NBEA: variants seen among roughly 807,000 people sequenced by gnomAD.
NBEA encodes the protein lysosomal-trafficking regulator 2.
A neutral mutation model predicts 343.4 loss-of-function variants in NBEA; 44 were observed. The ratio of observed to expected loss-of-function variants is 0.13; its 90% confidence interval spans 0.10 to 0.16. The LOEUF (loss-of-function observed/expected upper bound fraction) is 0.16. NBEA is among the 10% of genes least tolerant of loss of function. The probability of loss-of-function intolerance (pLI) is 1.00; values close to 1 mark genes in which losing one functional copy is unlikely to be tolerated. For missense variants in NBEA, 2,555 were observed against 3,631.3 expected (o/e 0.70, Z 7.62); for synonymous variants, 1,175 against 1,238.7 (o/e 0.95, Z 1.08).
chr13:35,640,594 T>G (rs1443878223), intron 49 of NBEA, among the ~76,000 whole-genome samples: 1 of 152,248 alleles, frequency 6.6e-6, no homozygotes, highest in African/African-American at 2.4e-5. Context: ...ATTTCGTAAC[T>G]TAGTAGGTGG....
intron 1 of NBEA, among the ~76,000 whole-genome samples, chr13:34,949,336 C>T (rs191365047): frequency 2.6e-4 from 39 of 152,226 alleles, no homozygotes; most frequent in African/African-American, 7.0e-4. Flanking sequence ...GTTTTGGTTG[C>T]GAATTCAACT....
At chr13:34,994,960 A>G (rs1467970523) in intron 1 of NBEA, among the ~76,000 whole-genome samples, 3 of 152,178 alleles carry the variant, frequency 2.0e-5, no homozygotes, top group African/African-American at 7.2e-5. Flanking sequence ...ATTGAAACAC[A>G]AGGTCAGTCA....
chr13:35,449,120 A>C (rs2046179403), intron 39 of NBEA, among the ~76,000 whole-genome samples: 1 of 152,254 alleles, frequency 6.6e-6, no homozygotes, highest in African/African-American at 2.4e-5. Context: ...GTGAAAACAC[A>C]GAACTGGTAA....
intron 17 of NBEA, among the ~76,000 whole-genome samples, chr13:35,128,420 C>A (rs1386237436): frequency 6.6e-6 from 1 of 152,042 alleles, no homozygotes; most frequent in Non-Finnish European, 1.5e-5. Flanking sequence ...TCAGAACGAA[C>A]TTTAATTCAC....
At position 34,942,920 on chromosome 13, in the gene NBEA, G is replaced by T; in HGVS notation, c.100G>T (p.Gly34Cys). Residue 34 changes from glycine (G) to cysteine (C), a missense_variant, in exon 1 of 59, where the codon GGT becomes TGT. Around this residue, in one of 21 missense-constraint regions of NBEA, gnomAD observed 122 missense variants for 91.0 expected, o/e 1.34. Coordinates refer to ENST00000379939, the MANE Select transcript of NBEA (RefSeq NM_001385012.1). ...AAGGGGGGSG[G>C]GGTGGSGMGE... ...TGGCGGAGGCGGCGGGGGCAGCGGT[G>T]GTGGCGGCACCGGGGGCAGCGGGAT... The T allele has an allele frequency of 6.5e-7, 1 of 1,527,342 alleles. No homozygotes were observed. The highest frequency in any genetic ancestry group is 1.2e-5 in the South Asian group (1 of 81,642). The allele number at this position is 1,527,342 out of a possible 1,614,324, so 94.6% of individuals were successfully genotyped here.
intron 13 of NBEA, among the ~76,000 whole-genome samples, chr13:35,116,635 G>A (rs1409198230): frequency 6.6e-6 from 1 of 152,020 alleles, no homozygotes; most frequent in Non-Finnish European, 1.5e-5. Flanking sequence ...TATACATGAA[G>A]GGATTATGCT....
intron 34 of NBEA, among the ~76,000 whole-genome samples, chr13:35,276,018 G>A (rs1357365716): frequency 6.6e-6 from 1 of 152,044 alleles, no homozygotes; most frequent in East Asian, 1.9e-4. Flanking sequence ...AAAAAGAAGA[G>A]ATGAGCACCC....
intron 41 of NBEA, among the ~76,000 whole-genome samples, chr13:35,484,522 A>G (rs2076242201): frequency 1.3e-5 from 2 of 151,928 alleles, no homozygotes; most frequent in Non-Finnish European, 2.9e-5. Context: ...CCAGTGTACA[A>G]TTTAGCCACG....
intron 36 of NBEA, among the ~76,000 whole-genome samples, chr13:35,313,705 T>A (rs1195253186): frequency 6.6e-6 from 1 of 152,038 alleles, no homozygotes; most frequent in Non-Finnish European, 1.5e-5. Flanking sequence ...GCAAGTTTAA[T>A]AAATATGTGA....
intron 45 of NBEA, among the ~76,000 whole-genome samples, chr13:35,581,895 A>G (rs1010017120): frequency 4.7e-4 from 51 of 108,692 alleles, no homozygotes; most frequent in Middle Eastern, 0.012. Flanking sequence ...AAAAAAAAAA[A>G]AAAAGAAAAG....
chr13:35,500,657 T>G (rs2076849357), intron 41 of NBEA, among the ~76,000 whole-genome samples: 1 of 151,686 alleles, frequency 6.6e-6, no homozygotes, highest in Admixed American at 6.6e-5. Context: ...TTATTTTTGA[T>G]GAGATGACAA....
At chr13:35,107,068 CT>C (rs1336719741) in intron 11 of NBEA, among the ~76,000 whole-genome samples, 2 of 151,714 alleles carry the variant, frequency 1.3e-5, no homozygotes, top group African/African-American at 4.8e-5. Flanking sequence ...GAAATCATTA[CT>C]ACTGAATAAA....
chr13:35,355,315 G>C (rs547954477), intron 38 of NBEA, among the ~76,000 whole-genome samples: 3 of 152,190 alleles, frequency 2.0e-5, no homozygotes, highest in East Asian at 1.9e-4. Context: ...AACAGCCTGA[G>C]TGACTCTTAT....
At position 35,472,434 on chromosome 13, in the gene NBEA, C is replaced by G; in HGVS notation, c.6483C>G (p.Ile2161Met). ...PVVLSTPAQL[I>M]APVVVAKGTL... ...TTCTCAGCACCCCTGCCCAGCTCAT[C>G]GCTCCCGTGGTGGTGGCCAAGGGGA... Residue 2161 changes from isoleucine to methionine, a missense_variant, in exon 41 of 59, where the codon ATC (isoleucine) becomes ATG (methionine). Ile to Met is a conservative substitution (Grantham distance 10). This residue lies in a region of NBEA where 246 missense variants were observed against 313.7 expected (regional missense o/e 0.78). Transcript: ENST00000379939. 1 of 1,613,950 alleles carries G rather than the reference C, an allele frequency of 6.2e-7. No individual in the cohort carries two copies. The highest frequency in any genetic ancestry group is 8.5e-7 in the Non-Finnish European group (1 of 1,179,896).
intron 10 of NBEA, among the ~76,000 whole-genome samples, chr13:35,073,265 T>G (rs765337709): frequency 6.6e-6 from 1 of 152,178 alleles, no homozygotes; most frequent in Non-Finnish European, 1.5e-5. Flanking sequence ...GACCTTGAAA[T>G]AGGATTTATC....
chr13:35,256,236 A>G (rs1177887932), intron 34 of NBEA, among the ~76,000 whole-genome samples: 4 of 152,020 alleles, frequency 2.6e-5, no homozygotes, highest in Non-Finnish European at 5.9e-5. Flanking sequence ...CATAGTAGAA[A>G]GCTCCTTTCT....
At chr13:35,371,756 T>G (rs1445822524) in intron 38 of NBEA, among the ~76,000 whole-genome samples, 1 of 152,222 alleles carries the variant, frequency 6.6e-6, no homozygotes, top group Admixed American at 6.5e-5. Flanking sequence ...TTGAATTTGC[T>G]TTTGCAGTGG....
At chr13:35,024,195 G>A (rs1436215605) in intron 1 of NBEA, among the ~76,000 whole-genome samples, 1 of 152,148 alleles carries the variant, frequency 6.6e-6, no homozygotes, top group Non-Finnish European at 1.5e-5. Context: ...TGGCTGCATA[G>A]TATTCCATGG....
At position 35,343,412 on chromosome 13, in the gene NBEA, A is replaced by G. The variant is rs142550716; in HGVS notation, c.5904-5696A>G. ...AATTAGCATTTGATACTATTGATAT[A>G]TAGAACTTTTCACCCAATCATAGAC... is the stretch of plus-strand genomic sequence containing the variant. On this transcript the variant is annotated intron_variant, in intron 36 of 58. Transcript: ENST00000379939. 2.0e-5 allele frequency among the ~76,000 whole-genome samples: 3 copies of G among 152,254 alleles called. No individual in the cohort carries two copies. In the East Asian group the frequency reaches 5.8e-4, roughly 29 times the overall value.
Sources: allele counts gnomAD v4.1 joint callset (sites outside exome capture counted in the v4.1 genomes callset), GRCh38; gene constraint gnomAD v4.1.1; regional missense constraint gnomAD v4.1.1; transcripts MANE v1.5; gene names NCBI Gene and HGNC (gene_info 2026-07-23, HGNC 2026-07-21).